EPDR1: variants seen among roughly 807,000 people sequenced by gnomAD.
The protein encoded by EPDR1 is ependymin related 1.
Under a neutral mutation model 23.7 loss-of-function variants are expected in EPDR1, and 27 were observed. The ratio of observed to expected loss-of-function variants is 1.14; its 90% CI spans 0.84 to 1.57. The LOEUF (loss-of-function observed/expected upper bound fraction) is 1.57. Ranked by LOEUF, EPDR1 falls within the 40% of genes most tolerant of loss-of-function variation. The pLI is 0.00. For missense variants in EPDR1, 349 were observed against 290.4 expected, an observed-to-expected ratio of 1.20 and a Z score of -1.47; for synonymous variants, 137 against 118.2, an observed-to-expected ratio of 1.16 and a Z score of -1.03.
In EPDR1 at chr7:37,949,055, G is replaced by T. The variant is rs920986666; in HGVS notation, c.478+7G>T. 6.2e-7 allele frequency: 1 copy of T among 1,613,286 alleles called. No individual in the cohort carries two copies. Among genetic ancestry groups the T allele is most frequent in the Non-Finnish European group, 8.5e-7 (1 of 1,179,358 alleles). On this transcript the variant is annotated splice_region_variant and intron_variant, in intron 2 of 2. Coordinates refer to ENST00000199448, the MANE Select transcript of EPDR1 (RefSeq NM_017549.5). ...AGAAAGTCAGCTAGATCCTGTAAGG[G>T]TTCAAAGAATCTAAGCATTGTATTC...
chr7:37,921,083 G>T lies in EPDR1; in HGVS notation c.144G>T (p.Trp48Cys), dbSNP rs1455821329. ...GCCCGTGCCAGGCGCCGCAGCAGTG[G>T]GAGGGGCGCCAGGTTATGTACCAGC... is the stretch of plus-strand genomic sequence containing the variant. ...APRPCQAPQQ[W>C]EGRQVMYQQS... The change falls in exon 1 of 3, where the codon TGG becomes TGT. Residue 48 changes from tryptophan (W) to cysteine (C), a missense_variant. By Grantham distance (215) the Trp-to-Cys change is radical. Coordinates refer to ENST00000199448, the MANE Select transcript of EPDR1 (RefSeq NM_017549.5). The T allele has an allele frequency of 6.3e-7, 1 of 1,579,610 alleles. No homozygotes were observed. Among genetic ancestry groups the T allele is most frequent in the South Asian group, 1.1e-5 (1 of 88,800 alleles).
At chr7:37,947,721 G>A (rs183313171) in intron 1 of EPDR1, among the ~76,000 whole-genome samples, 2 of 152,306 alleles carry the variant, frequency 1.3e-5, no homozygotes, top group Non-Finnish European at 1.5e-5. Flanking sequence ...TGTGGCCTGA[G>A]TTTTAGATTG....
intron 1 of EPDR1, among the ~76,000 whole-genome samples, chr7:37,943,482 G>T (rs1199250378): frequency 1.3e-5 from 2 of 152,160 alleles, no homozygotes; most frequent in Non-Finnish European, 2.9e-5. Context: ...AGAGACTTAT[G>T]TCCTAACTGT....
chr7:37,921,154 T>C lies in EPDR1; in HGVS notation c.215T>C (p.Leu72Pro). The change falls in exon 1 of 3, where the codon CTC becomes CCC. Residue 72 changes from leucine to proline, a missense_variant. Physicochemically the swap from Leu to Pro is moderately conservative, Grantham distance 98. Transcript: ENST00000199448. The stretch of plus-strand genomic sequence containing the variant: ...CGCGCCCTGCTCTCCTACGACGGGC[T>C]CAACCAGCGCGTGCGGGTGCTGGAC... ...NSRALLSYDG[L>P]NQRVRVLDER... 1 of 1,595,742 alleles carries C rather than the reference T, an allele frequency of 6.3e-7. No individual in the cohort carries two copies. Among genetic ancestry groups the C allele is most frequent in the Non-Finnish European group, 8.5e-7 (1 of 1,178,710 alleles).
At chr7:37,949,198 A>T (rs1049200023) in intron 2 of EPDR1, 150 bp downstream of exon 2, 1 of 678,088 alleles carries the variant, frequency 1.5e-6, no homozygotes, top group African/African-American at 1.8e-5. Context: ...TACTTTGCTC[A>T]CTATGTGGCA....
chr7:37,922,137 G>A (rs1024686679), intron 1 of EPDR1, among the ~76,000 whole-genome samples: 1 of 152,056 alleles, frequency 6.6e-6, no homozygotes, highest in Non-Finnish European at 1.5e-5. Context: ...TCTCTTTATG[G>A]CATTTGCATC....
In EPDR1 at chr7:37,920,720, G is replaced by T. The variant is rs776360140; in HGVS notation, c.-220G>T. 3.7e-6 allele frequency: 6 copies of T among 1,607,776 alleles called. No homozygotes were observed. The highest frequency in any genetic ancestry group is 5.1e-6 in the Non-Finnish European group (6 of 1,176,624). On this transcript the variant is annotated 5_prime_UTR_variant, in exon 1 of 3. Coordinates refer to ENST00000199448, the MANE Select transcript of EPDR1 (RefSeq NM_017549.5). ...GCCCAGGCAGAAATAGCTCCCGCGC[G>T]ATTCACTGGAGCCTTCCCCGGGCCC...
At chr7:37,927,440 A>C (rs1785840358) in intron 1 of EPDR1, among the ~76,000 whole-genome samples, 1 of 151,914 alleles carries the variant, frequency 6.6e-6, no homozygotes, top group Admixed American at 6.6e-5. Flanking sequence ...CTTACTATTC[A>C]ATTGCAGTAG....
intron 1 of EPDR1, among the ~76,000 whole-genome samples, chr7:37,928,069 G>A (rs1054924798): frequency 2.0e-5 from 3 of 152,142 alleles, no homozygotes; most frequent in Admixed American, 2.0e-4. Context: ...GGAGAAGCAG[G>A]CACTGGGGAA....
intron 1 of EPDR1, among the ~76,000 whole-genome samples, chr7:37,934,543 C>A (rs537954737): frequency 9.0e-4 from 137 of 152,090 alleles, no homozygotes; most frequent in African/African-American, 2.8e-3. Context: ...GAACCAGATA[C>A]CTTTAGCTCT....
chr7:37,939,139 C>T lies in EPDR1; in HGVS notation c.270-9701C>T, dbSNP rs143241539. Reference sequence around the variant, plus strand: ...AAATACAGGCGCCCACCACCACACCCGGCTAATTTTTTTGTATTTTTAGTA... The same window carrying T: ...AAATACAGGCGCCCACCACCACACCTGGCTAATTTTTTTGTATTTTTAGTA... On this transcript the variant is annotated intron_variant, in intron 1 of 2. Coordinates refer to ENST00000199448, the MANE Select transcript of EPDR1 (RefSeq NM_017549.5). Among the ~76,000 whole-genome samples, 165 of 152,050 alleles carry T rather than the reference C, an allele frequency of 1.1e-3. 1 individual carries two copies. In the East Asian group the frequency reaches 0.022, roughly 20 times the overall value.
At chr7:37,947,493 T>C (rs552301920) in intron 1 of EPDR1, among the ~76,000 whole-genome samples, 6 of 152,354 alleles carry the variant, frequency 3.9e-5, no homozygotes, top group African/African-American at 1.2e-4. Context: ...AACATTTTTT[T>C]CCGAAGAAAA....
Position 37,950,006 on chromosome 7 carries a change from T to A in EPDR1, c.479-194T>A, listed in dbSNP as rs150806208. Among the ~76,000 whole-genome samples, 389 of 152,224 alleles carry A rather than the reference T, an allele frequency of 2.6e-3. 2 individuals are homozygous for A. Among genetic ancestry groups the A allele is most frequent in the African/African-American group, 9.0e-3 (375 of 41,544 alleles). ...GTGTTTAATGGAGACAGAGTTTCAG[T>A]TTGGGAAGATGAAAAAAGTTCTGGA... is the stretch of plus-strand genomic sequence containing the variant. On this transcript the variant is annotated intron_variant, in intron 2 of 2. Coordinates refer to ENST00000199448, the MANE Select transcript of EPDR1 (RefSeq NM_017549.5).
At chr7:37,928,016 C>T (rs1785852459) in intron 1 of EPDR1, among the ~76,000 whole-genome samples, 1 of 152,088 alleles carries the variant, frequency 6.6e-6, no homozygotes, top group Non-Finnish European at 1.5e-5. Context: ...TTCAGTGTGT[C>T]TATAGACCCT....
intron 1 of EPDR1, among the ~76,000 whole-genome samples, chr7:37,948,081 A>G (rs1365614195): frequency 6.6e-6 from 1 of 152,190 alleles, no homozygotes; most frequent in Non-Finnish European, 1.5e-5. Context: ...AGTGAAGCAC[A>G]GGCACTCGGT....
chr7:37,943,996 C>T (rs1312538984), intron 1 of EPDR1, among the ~76,000 whole-genome samples: 2 of 152,230 alleles, frequency 1.3e-5, no homozygotes, highest in Non-Finnish European at 2.9e-5. Flanking sequence ...CCCAGCACAG[C>T]TGTGCTGGCA....
chr7:37,934,133 C>A (rs561343569), intron 1 of EPDR1, among the ~76,000 whole-genome samples: 4 of 152,274 alleles, frequency 2.6e-5, no homozygotes, highest in African/African-American at 7.2e-5. Context: ...CCCACCACCA[C>A]GCCTGGCTAA....
intron 1 of EPDR1, among the ~76,000 whole-genome samples, chr7:37,944,637 C>T (rs915475917): frequency 2.0e-5 from 3 of 152,150 alleles, no homozygotes; most frequent in African/African-American, 7.2e-5. Context: ...ATAAAACCAT[C>T]AGACCTTGTG....
At chr7:37,941,862 C>T (rs1786177453) in intron 1 of EPDR1, among the ~76,000 whole-genome samples, 1 of 152,048 alleles carries the variant, frequency 6.6e-6, no homozygotes, top group Admixed American at 6.5e-5. Flanking sequence ...GACCATGTGG[C>T]AGAAGCTCTT....
Sources: allele counts gnomAD v4.1 joint callset (sites outside exome capture counted in the v4.1 genomes callset), GRCh38; gene constraint gnomAD v4.1.1; transcripts MANE v1.5; gene names NCBI Gene and HGNC (gene_info 2026-07-23, HGNC 2026-07-21).